The following ARHGAP11A variants were observed in gnomAD, a reference collection of about 807,000 sequenced individuals.
ARHGAP11A encodes Rho GTPase activating protein 11A, also known as rho GTPase-activating protein 11A.
In ARHGAP11A, 36 loss-of-function variants were observed where a neutral mutation model predicts 60.5. The observed-to-expected ratio is 0.59, with a 90% CI of 0.46 to 0.79. The LOEUF is 0.79. Ranked by LOEUF, ARHGAP11A falls within the 30% of genes least tolerant of loss-of-function variation. The pLI is 0.00. For synonymous variants in ARHGAP11A, 362 were observed against 415.5 expected (o/e 0.87, Z 1.57); for missense variants, 1,071 against 1,199.2 (o/e 0.89, Z 1.58).
In ARHGAP11A at chr15:32,638,185, T is replaced by G. The variant is rs2053768701; in HGVS notation, c.*340T>G. On this transcript the variant is annotated 3_prime_UTR_variant, in exon 12 of 12. Coordinates refer to ENST00000361627, the MANE Select transcript of ARHGAP11A (RefSeq NM_014783.6). The stretch of plus-strand genomic sequence containing the variant: ...ACTTCCTGGGTTCATGCCATTTTCC[T>G]GCCTCAGCCTCCCGAGTAGCTGGGA... The G allele has an allele frequency of 5.4e-6, 1 of 186,312 alleles. No individual in the cohort carries two copies. The highest frequency in any genetic ancestry group is 1.1e-5 in the Non-Finnish European group (1 of 90,980). The allele number at this position is 186,312 out of a possible 1,614,324, so 11.5% of individuals were successfully genotyped here.
chr15:32,637,800 C>A lies in ARHGAP11A; in HGVS notation c.3027C>A (p.Ile1009=). 6.2e-7 allele frequency: 1 copy of A among 1,605,924 alleles called. No homozygotes were observed. The highest frequency in any genetic ancestry group is 8.5e-7 in the Non-Finnish European group (1 of 1,177,526). The change falls in exon 12 of 12, where the codon ATC becomes ATA. Residue 1009 remains isoleucine, a synonymous_variant. Coordinates refer to ENST00000361627, the MANE Select transcript of ARHGAP11A (RefSeq NM_014783.6). ...AWYKGSPKHP[I]GKTQLLPTSK... ...ACAAAGGTTCTCCAAAACATCCTAT[C>A]GGAAAAACTCAATTACTACCAACAA...
chr15:32,631,039 T>C (rs1001238035), intron 8 of ARHGAP11A, among the ~76,000 whole-genome samples: 3 of 152,198 alleles, frequency 2.0e-5, no homozygotes, highest in Non-Finnish European at 4.4e-5. Context: ...TTAAACAGTC[T>C]TGTGCTATTT....
At position 32,636,531 on chromosome 15, in the gene ARHGAP11A, G is replaced by A. The variant is rs1405745417; in HGVS notation, c.1758G>A (p.Gly586=). The A allele has an allele frequency of 6.2e-7, 1 of 1,614,072 alleles. No homozygotes were observed. Among genetic ancestry groups the A allele is most frequent in the Non-Finnish European group, 8.5e-7 (1 of 1,179,992 alleles). ...NSNITSSPLS[G]DENNMTKETL... ...ACATAACAAGTAGCCCTCTTAGCGGGGATGAAAATAACATGACCAAAGAGA... is the reference window on the plus strand; with the variant it reads ...ACATAACAAGTAGCCCTCTTAGCGGAGATGAAAATAACATGACCAAAGAGA... The change falls in exon 12 of 12, where the codon GGG becomes GGA. Residue 586 remains glycine (G), a synonymous_variant. Transcript: ENST00000361627.
intron 2 of ARHGAP11A, among the ~76,000 whole-genome samples, chr15:32,622,551 G>T (rs1025590076): frequency 6.6e-6 from 1 of 152,072 alleles, no homozygotes; most frequent in African/African-American, 2.4e-5. Context: ...TGTTTTGTCA[G>T]TTACCTTCTG....
intron 1 of ARHGAP11A, among the ~76,000 whole-genome samples, chr15:32,619,162 C>T (rs1289326101): frequency 1.3e-5 from 2 of 152,104 alleles, no homozygotes; most frequent in African/African-American, 4.8e-5. Context: ...GCTCATAAAA[C>T]ATAAATACTT....
At chr15:32,620,234 C>T (rs1339972923) in intron 2 of ARHGAP11A, 56 bp downstream of exon 2, 1 of 1,606,390 alleles carries the variant, frequency 6.2e-7, no homozygotes, top group Non-Finnish European at 8.5e-7. Context: ...CCTGTAACCC[C>T]AGCATTTTGA....
At chr15:32,621,834 A>G (rs961976663) in intron 2 of ARHGAP11A, among the ~76,000 whole-genome samples, 44 of 152,292 alleles carry the variant, frequency 2.9e-4, no homozygotes, top group African/African-American at 8.9e-4. Flanking sequence ...AAAAAAAAAA[A>G]AAAAAGAAAA....
At position 32,616,174 on chromosome 15, in the gene ARHGAP11A, C is replaced by T. The variant is rs769615783; in HGVS notation, c.-38C>T. The T allele has an allele frequency of 1.9e-5, 30 of 1,608,722 alleles. No homozygotes were observed. The highest frequency in any genetic ancestry group is 2.7e-5 in the African/African-American group (2 of 74,724). ...ACTTGGTGGCGAACGAGGGTCAGGA[C>T]CTGCATCCTGCCTCAGAGAGTTATC... On this transcript the variant is annotated 5_prime_UTR_variant, in exon 1 of 12. Transcript: ENST00000361627.
At chr15:32,635,693 G>T in intron 10 of ARHGAP11A, 84 bp from the exon 11 acceptor site, 1 of 962,664 alleles carries the variant, frequency 1.0e-6, no homozygotes. Flanking sequence ...TAAAGATTTT[G>T]ATAACTACAA....
In ARHGAP11A at chr15:32,624,417, T is replaced by C; in HGVS notation, c.542T>C (p.Val181Ala). Residue 181 changes from valine (V) to alanine (A), a missense_variant, in exon 4 of 12, where the codon GTT becomes GCT. By Grantham distance (64) the Val-to-Ala change is moderately conservative. Transcript: ENST00000361627. ...LRYFFNFLRN[V>A]SLRSSENKMD... Reference sequence around the variant, plus strand: ...TACTTCTTTAACTTTCTCAGGAATGTTTCTCTTAGGTAAGTGGTAATTAAA... The same window carrying C: ...TACTTCTTTAACTTTCTCAGGAATGCTTCTCTTAGGTAAGTGGTAATTAAA... 1 of 1,608,080 alleles carries C rather than the reference T, an allele frequency of 6.2e-7. No individual in the cohort carries two copies.
chr15:32,637,933 A>C lies in ARHGAP11A; in HGVS notation c.*88A>C. ...TGATGTACATGTTAGTTTGTAGCTC[A>C]GGATGATTGTTAAGCAATAGATTTG... On this transcript the variant is annotated 3_prime_UTR_variant, in exon 12 of 12. Transcript: ENST00000361627. The C allele has an allele frequency of 3.1e-5, 36 of 1,149,558 alleles. No homozygotes were observed. Among genetic ancestry groups the C allele is most frequent in the Non-Finnish European group, 4.0e-5 (33 of 825,894 alleles). 71.2% of individuals were successfully genotyped at this position (1,149,558 alleles called of 1,614,324 possible).
chr15:32,623,738 G>T (rs894013752), intron 3 of ARHGAP11A, 150 bp downstream of exon 3: 3 of 803,476 alleles, frequency 3.7e-6, no homozygotes, highest in Non-Finnish European at 3.8e-6. Flanking sequence ...TTTTCCAAAA[G>T]AAATGGTATA....
At chr15:32,616,402 C>G (rs4255759) in intron 1 of ARHGAP11A, 62 bp downstream of exon 1, 1 of 1,607,306 alleles carries the variant, frequency 6.2e-7, no homozygotes, top group South Asian at 1.1e-5. Flanking sequence ...TCATCACTTA[C>G]TACCAGATCG....
At position 32,637,488 on chromosome 15, in the gene ARHGAP11A, CATG is replaced by C; in HGVS notation, c.2716_2718del (p.Met906del). ...AATCAGGTCCTAAAGAACAGAAGTC[CATG>C]TCATGTGAAGAGTCAAATATTGGTG... is the stretch of plus-strand genomic sequence containing the variant. On this transcript the variant is annotated inframe_deletion, in exon 12 of 12. Coordinates refer to ENST00000361627, the MANE Select transcript of ARHGAP11A (RefSeq NM_014783.6). The C allele has an allele frequency of 6.2e-7, 1 of 1,613,914 alleles. No individual in the cohort carries two copies. Among genetic ancestry groups the C allele is most frequent in the Non-Finnish European group, 8.5e-7 (1 of 1,180,026 alleles).
intron 11 of ARHGAP11A, 77 bp downstream of exon 11, chr15:32,635,992 A>G: frequency 1.3e-6 from 2 of 1,488,700 alleles, no homozygotes; most frequent in Admixed American, 5.0e-5. Context: ...AAACATATTA[A>G]TTAATTTACT....
chr15:32,634,022 G>T lies in ARHGAP11A; in HGVS notation c.1325G>T (p.Gly442Val). 1 of 1,603,736 alleles carries T rather than the reference G, an allele frequency of 6.2e-7. No individual in the cohort carries two copies. The highest frequency in any genetic ancestry group is 8.5e-7 in the Non-Finnish European group (1 of 1,176,422). The change falls in exon 10 of 12, where the codon GGG becomes GTG. Residue 442 changes from glycine to valine, a missense_variant. Gly to Val is a moderately radical substitution (Grantham distance 109). Coordinates refer to ENST00000361627, the MANE Select transcript of ARHGAP11A (RefSeq NM_014783.6). ...TCTCTGCGTTTGAAATTCAATCTAG[G>T]GAAAAATGGCAGAGAAGTAGTAAGT... The part of the protein sequence containing the change: ...RRSLRLKFNL[G>V]KNGREVNGCS...
intron 2 of ARHGAP11A, among the ~76,000 whole-genome samples, chr15:32,621,914 A>G (rs1357696268): frequency 6.6e-6 from 1 of 152,308 alleles, no homozygotes; most frequent in Admixed American, 6.5e-5. Context: ...CATCTAAAGT[A>G]GGGTTCATTT....
chr15:32,636,889 A>G lies in ARHGAP11A; in HGVS notation c.2116A>G (p.Asn706Asp), dbSNP rs1028144966. Residue 706 changes from asparagine (N) to aspartate (D), a missense_variant, in exon 12 of 12, where the codon AAT (asparagine) becomes GAT (aspartate). This residue lies in a region of ARHGAP11A where 776 missense variants were observed against 760.2 expected (regional missense o/e 1.02). Coordinates refer to ENST00000361627, the MANE Select transcript of ARHGAP11A (RefSeq NM_014783.6). The part of the protein sequence containing the change: ...KMEHEKDIHS[N>D]MPKDYLSKQE... ...GGAACATGAAAAAGACATTCATTCA[A>G]ATATGCCAAAAGATTATTTAAGCAA... is the stretch of plus-strand genomic sequence containing the variant. 2 of 1,613,362 alleles carry G rather than the reference A, an allele frequency of 1.2e-6. No individual in the cohort carries two copies. Among genetic ancestry groups the G allele is most frequent in the Non-Finnish European group, 1.7e-6 (2 of 1,179,832 alleles).
chr15:32,637,107 G>T lies in ARHGAP11A; in HGVS notation c.2334G>T (p.Arg778Ser), dbSNP rs1425235093. Residue 778 changes from arginine to serine, a missense_variant, in exon 12 of 12, where the codon AGG becomes AGT. Around this residue, in one of 4 missense-constraint regions of ARHGAP11A, gnomAD observed 776 missense variants for 760.2 expected, o/e 1.02. Transcript: ENST00000361627. ...TCVVTNLSKP[R>S]PMRIAKQQSL... The stretch of plus-strand genomic sequence containing the variant: ...TTGTAACAAACTTGTCAAAACCTAG[G>T]CCTATGAGAATTGCTAAACAGCAGT... 2 of 1,613,970 alleles carry T rather than the reference G, an allele frequency of 1.2e-6. No homozygotes were observed. The highest frequency in any genetic ancestry group is 2.2e-5 in the South Asian group (2 of 91,076).
Sources: gnomAD v4.1 joint callset for allele counts (sites outside exome capture counted in the v4.1 genomes callset) on GRCh38, gnomAD v4.1.1 for gene constraint, gnomAD v4.1.1 regional missense constraint, MANE v1.5 for transcripts, NCBI Gene and HGNC (gene_info 2026-07-23, HGNC 2026-07-21) for gene names.